Variants in ATP6V0A4 observed in about 807,000 individuals in gnomAD.
ATP6V0A4 encodes the protein V-type proton ATPase 116 kDa subunit a 4.
ATP6V0A4 carries 86 observed loss-of-function variants against 107.3 expected under a neutral mutation model. The observed-to-expected ratio is 0.80, with a 90% CI of 0.67 to 0.96. The LOEUF is 0.96. ATP6V0A4 is among the 40% of genes least tolerant of loss of function. The pLI is 0.00. For synonymous variants in ATP6V0A4, 353 were observed against 381.4 expected (o/e 0.93, Z 0.87); for missense variants, 908 against 1,045.6 (o/e 0.87, Z 1.81).
chr7:138,728,857 T>C lies in ATP6V0A4; in HGVS notation c.1914A>G (p.Glu638=). The C allele has an allele frequency of 6.2e-7, 1 of 1,614,176 alleles. No individual in the cohort carries two copies. The highest frequency in any genetic ancestry group is 8.5e-7 in the Non-Finnish European group (1 of 1,180,032). Residue 638 remains glutamate (E), a synonymous_variant, in exon 18 of 22, where the codon GAA becomes GAG. Coordinates refer to ENST00000310018, the MANE Select transcript of ATP6V0A4 (RefSeq NM_020632.3). The part of the protein sequence containing the change: ...SNAPLYKHQQ[E]VQSFFVVMAL... ...CCATAACCACAAAGAAACTTTGGACTTCTTGCTGCAAGACCAAAATGGCGA... is the reference window on the plus strand; with the variant it reads ...CCATAACCACAAAGAAACTTTGGACCTCTTGCTGCAAGACCAAAATGGCGA...
chr7:138,729,180 T>A (rs909534043), intron 17 of ATP6V0A4, among the ~76,000 whole-genome samples: 3 of 152,156 alleles, frequency 2.0e-5, no homozygotes, highest in Non-Finnish European at 4.4e-5. Flanking sequence ...AAGGCACCCC[T>A]TGTCTTGAAC....
intron 21 of ATP6V0A4, among the ~76,000 whole-genome samples, chr7:138,708,734 T>G (rs1357532048): frequency 6.6e-6 from 1 of 152,198 alleles, no homozygotes; most frequent in Non-Finnish European, 1.5e-5. Flanking sequence ...TTTTGAGATT[T>G]TCATACCTTG....
At chr7:138,745,962 AAT>A (rs1554396064) in intron 13 of ATP6V0A4, among the ~76,000 whole-genome samples, 61 of 65,648 alleles carry the variant, frequency 9.3e-4, no homozygotes, top group Middle Eastern at 0.021. Context: ...AAAAAAAAAA[AAT>A]ATATATATAT....
At chr7:138,790,397 G>A (rs924699323) in intron 1 of ATP6V0A4, among the ~76,000 whole-genome samples, 2 of 152,088 alleles carry the variant, frequency 1.3e-5, no homozygotes, top group Admixed American at 6.6e-5. Context: ...GGGTTCAAGC[G>A]ATTCTCTTGC....
At chr7:138,789,355 C>A (rs1389626538) in intron 1 of ATP6V0A4, among the ~76,000 whole-genome samples, 3 of 151,918 alleles carry the variant, frequency 2.0e-5, no homozygotes, top group South Asian at 2.1e-4. Flanking sequence ...TCAAGCAATT[C>A]TTCTGCCTCA....
chr7:138,734,016 G>T, intron 16 of ATP6V0A4, 120 bp downstream of exon 16: 1 of 1,158,264 alleles, frequency 8.6e-7, no homozygotes, highest in Non-Finnish European at 1.3e-6. Context: ...GCCCAGGGAA[G>T]TACCCCTCAT....
chr7:138,789,701 T>C (rs1808318655), intron 1 of ATP6V0A4, among the ~76,000 whole-genome samples: 1 of 151,420 alleles, frequency 6.6e-6, no homozygotes, highest in East Asian at 2.0e-4. Flanking sequence ...CCAGGTGCAG[T>C]GGCTCACGCC....
In ATP6V0A4 at chr7:138,749,321, GAAAA is replaced by G. The variant is rs752113040; in HGVS notation, c.1030-8_1030-5del. On this transcript the variant is annotated splice_polypyrimidine_tract_variant and splice_region_variant and intron_variant, in intron 11 of 21. Transcript: ENST00000310018. ...CCATGGAGGAGCCACTTAGTTCCTG[GAAAA>G]AAAAAAAAAAGCGACAAAGATGTAA... is the stretch of plus-strand genomic sequence containing the variant. The G allele has an allele frequency of 7.3e-6, 11 of 1,515,756 alleles. No homozygotes were observed. Among genetic ancestry groups the G allele is most frequent in the South Asian group, 2.3e-5 (2 of 87,312 alleles). The allele number at this position is 1,515,756 out of a possible 1,614,324, so 93.9% of individuals were successfully genotyped here.
At chr7:138,796,754 T>TGGAAGG (rs1808685865) in intron 1 of ATP6V0A4, among the ~76,000 whole-genome samples, 1 of 152,180 alleles carries the variant, frequency 6.6e-6, no homozygotes, top group Non-Finnish European at 1.5e-5. Context: ...TCTTGCCAGG[T>TGGAAGG]TGCATCAAAT....
chr7:138,765,123 A>C (rs1807020971), intron 5 of ATP6V0A4, among the ~76,000 whole-genome samples: 1 of 152,152 alleles, frequency 6.6e-6, no homozygotes. Context: ...ACAATAAAAA[A>C]TGATAATCCT....
At chr7:138,759,899 A>G in intron 7 of ATP6V0A4, 21 bp from the exon 8 acceptor site, 2 of 1,613,970 alleles carry the variant, frequency 1.2e-6, no homozygotes, top group Non-Finnish European at 1.7e-6. Context: ...AGAAGGGAAG[A>G]CATTCCTTAA....
intron 2 of ATP6V0A4, among the ~76,000 whole-genome samples, chr7:138,782,377 G>A (rs1807964423): frequency 6.6e-6 from 1 of 152,142 alleles, no homozygotes; most frequent in Non-Finnish European, 1.5e-5. Context: ...ACCCCACTCT[G>A]CTATAAACTC....
rs756487094 is a variant in ATP6V0A4, at chr7:138,759,737, G to C, written c.639+15C>G. The C allele has an allele frequency of 6.2e-7, 1 of 1,614,060 alleles. No homozygotes were observed. Among genetic ancestry groups the C allele is most frequent in the South Asian group, 1.1e-5 (1 of 91,072 alleles). On this transcript the variant is annotated intron_variant, in intron 8 of 21. Coordinates refer to ENST00000310018, the MANE Select transcript of ATP6V0A4 (RefSeq NM_020632.3). Reference sequence around the variant, plus strand: ...GGAAGTCTCAGAGAAAGTTTTTGCAGCCCAAGGTTCCCACCGTCACAGGAT... The same window carrying C: ...GGAAGTCTCAGAGAAAGTTTTTGCACCCCAAGGTTCCCACCGTCACAGGAT...
intron 1 of ATP6V0A4, among the ~76,000 whole-genome samples, chr7:138,788,346 G>T (rs1468511951): frequency 6.6e-6 from 1 of 152,198 alleles, no homozygotes; most frequent in African/African-American, 2.4e-5. Context: ...TAGGGAACCA[G>T]AAATTGCCAA....
intron 2 of ATP6V0A4, among the ~76,000 whole-genome samples, chr7:138,771,740 C>T (rs543521375): frequency 7.1e-4 from 108 of 152,292 alleles, no homozygotes; most frequent in Middle Eastern, 3.4e-3. Context: ...CTGCCTCAGC[C>T]TCCTATGTAG....
chr7:138,706,461 C>A lies in ATP6V0A4; in HGVS notation c.*163G>T. The A allele has an allele frequency of 1.2e-6, 1 of 828,936 alleles. No homozygotes were observed. Among genetic ancestry groups the A allele is most frequent in the Non-Finnish European group, 1.9e-6 (1 of 513,398 alleles). 51.3% of individuals were successfully genotyped at this position (828,936 alleles called of 1,614,324 possible). ...AGTCCTTCCTCTGACGTGGTTAAGTCGTATCAAATCCACAGGCTGACGTCC... is the reference window on the plus strand; with the variant it reads ...AGTCCTTCCTCTGACGTGGTTAAGTAGTATCAAATCCACAGGCTGACGTCC... On this transcript the variant is annotated 3_prime_UTR_variant, in exon 22 of 22. Transcript: ENST00000310018.
At chr7:138,718,414 G>C (rs1238173353) in intron 19 of ATP6V0A4, among the ~76,000 whole-genome samples, 4 of 113,542 alleles carry the variant, frequency 3.5e-5, no homozygotes, top group South Asian at 7.7e-4. Context: ...GAAGGAAGGG[G>C]GGGCGTGCAG....
intron 1 of ATP6V0A4, among the ~76,000 whole-genome samples, chr7:138,795,516 G>A (rs1231927942): frequency 3.3e-5 from 5 of 152,272 alleles, no homozygotes; most frequent in South Asian, 4.1e-4. Flanking sequence ...CTCTGCTCAC[G>A]TCAAACACAT....
At chr7:138,759,348 C>G (rs1364287388) in intron 8 of ATP6V0A4, among the ~76,000 whole-genome samples, 1 of 152,088 alleles carries the variant, frequency 6.6e-6, no homozygotes. Flanking sequence ...AGCCACCATG[C>G]CTGGCCTGGA....
Sources: gnomAD v4.1 joint callset for allele counts (sites outside exome capture counted in the v4.1 genomes callset) on GRCh38, gnomAD v4.1.1 for gene constraint, MANE v1.5 for transcripts, NCBI Gene and HGNC (gene_info 2026-07-23, HGNC 2026-07-21) for gene names.